The following INPP5D variants were observed in gnomAD, a reference collection of about 807,000 sequenced individuals.
INPP5D encodes the protein inositol polyphosphate-5-phosphatase D.
A neutral mutation model predicts 122.9 loss-of-function variants in INPP5D; 33 were observed. The ratio of observed to expected loss-of-function variants is 0.27; its 90% CI spans 0.20 to 0.36. The LOEUF (loss-of-function observed/expected upper bound fraction) is 0.36. Ranked by LOEUF, INPP5D falls within the 10% of genes least tolerant of loss-of-function variation. INPP5D has a pLI of 1.00. For missense variants in INPP5D, 1,053 were observed against 1,412.7 expected (o/e 0.75, Z 4.08); for synonymous variants, 584 against 576.2 (o/e 1.01, Z -0.19).
At chr2:233,169,679 C>T in intron 14 of INPP5D, 1 of 581,234 alleles carries the variant, frequency 1.7e-6, no homozygotes, top group East Asian at 3.1e-5. Flanking sequence ...CAGAAAGCCT[C>T]CTCTGGGGCC....
chr2:233,109,971 A>G (rs151313457), intron 2 of INPP5D, among the ~76,000 whole-genome samples: 2 of 151,392 alleles, frequency 1.3e-5, no homozygotes, highest in African/African-American at 4.9e-5. Flanking sequence ...TGCAGTCTGC[A>G]TTTCTCAGGC....
chr2:233,177,239 T>G lies in INPP5D; in HGVS notation c.1990-26T>G. On this transcript the variant is annotated intron_variant, in intron 17 of 26. Transcript: ENST00000445964. This position sits in a 1 kb window ranked among gnomAD's most constrained non-coding sequence, Gnocchi z 4.2. ...AAAAAATAATAATAAGAGGCATTTTTTAAAGCCTATGACTTTGATTTGCAG... is the reference window on the plus strand; with the variant it reads ...AAAAAATAATAATAAGAGGCATTTTGTAAAGCCTATGACTTTGATTTGCAG... The G allele has an allele frequency of 6.2e-7, 1 of 1,613,592 alleles. No homozygotes were observed. The highest frequency in any genetic ancestry group is 8.5e-7 in the Non-Finnish European group (1 of 1,179,646).
intron 9 of INPP5D, among the ~76,000 whole-genome samples, chr2:233,154,148 A>G (rs1162368599): frequency 1.8e-5 from 2 of 112,908 alleles, no homozygotes; most frequent in African/African-American, 7.6e-5. Context: ...GAGGGATCAA[A>G]TTCTTTTTGT....
intron 24 of INPP5D, 74 bp from the exon 25 acceptor site, chr2:233,198,021 C>T (rs963054658): frequency 1.9e-5 from 27 of 1,457,272 alleles, no homozygotes; most frequent in Non-Finnish European, 2.3e-5. Context: ...TATCAGAGGA[C>T]ACTTTCCTTG....
intron 2 of INPP5D, 94 bp from the exon 3 acceptor site, chr2:233,122,013 T>A: frequency 6.9e-7 from 1 of 1,443,280 alleles, no homozygotes. Context: ...AGTCACTCCC[T>A]CCGCCTCGCT....
chr2:233,193,988 C>A, intron 23 of INPP5D, 27 bp downstream of exon 23: 1 of 1,552,222 alleles, frequency 6.4e-7, no homozygotes, highest in Non-Finnish European at 8.7e-7. Flanking sequence ...TCCCCAGCGC[C>A]CTCTTCAGCC....
chr2:233,107,301 G>A (rs1692495062), intron 2 of INPP5D, among the ~76,000 whole-genome samples: 1 of 152,176 alleles, frequency 6.6e-6, no homozygotes. Context: ...GTCCTGCAGG[G>A]AGGCAAGAAA....
chr2:233,195,338 C>T (rs1203707362), intron 23 of INPP5D, 61 bp from the exon 24 acceptor site: 45 of 1,611,686 alleles, frequency 2.8e-5, no homozygotes, highest in Non-Finnish European at 3.3e-5. Context: ...CCTTTGCCAT[C>T]CCTCGCCTAA....
At chr2:233,142,244 G>A (rs1693649080) in intron 6 of INPP5D, among the ~76,000 whole-genome samples, 1 of 152,186 alleles carries the variant, frequency 6.6e-6, no homozygotes, top group Non-Finnish European at 1.5e-5. Context: ...GAGACCCTGA[G>A]TCTTGAAGAA....
At chr2:233,190,605 G>T (rs1156575834) in intron 22 of INPP5D, among the ~76,000 whole-genome samples, 1 of 152,202 alleles carries the variant, frequency 6.6e-6, no homozygotes, top group East Asian at 1.9e-4. Flanking sequence ...GCATCGCCTG[G>T]TGCCCAGACC....
chr2:233,081,618 A>G lies in INPP5D; in HGVS notation c.198+2220A>G, dbSNP rs114742834. On this transcript the variant is annotated intron_variant, in intron 2 of 26. Coordinates refer to ENST00000445964, the MANE Select transcript of INPP5D (RefSeq NM_001017915.3). Reference sequence around the variant, plus strand: ...TGCTGATGAAATCCGGGGCCTCATCAGGCTACTGGGCAGGGGGTGGTGGTG... The same window carrying G: ...TGCTGATGAAATCCGGGGCCTCATCGGGCTACTGGGCAGGGGGTGGTGGTG... Among the ~76,000 whole-genome samples the G allele has an allele frequency of 5.0e-3, 756 of 152,238 alleles. 7 individuals are homozygous for G. The highest frequency in any genetic ancestry group is 0.017 in the African/African-American group (724 of 41,538).
intron 2 of INPP5D, among the ~76,000 whole-genome samples, chr2:233,104,150 A>G (rs1692400197): frequency 6.7e-6 from 1 of 148,858 alleles, no homozygotes; most frequent in Non-Finnish European, 1.5e-5. Flanking sequence ...AGCTGGGATT[A>G]CAGGTGCGCA....
intron 2 of INPP5D, among the ~76,000 whole-genome samples, chr2:233,120,265 C>T (rs539556667): frequency 7.2e-5 from 11 of 152,286 alleles, no homozygotes; most frequent in Admixed American, 2.6e-4. Flanking sequence ...GGGTGGATCA[C>T]CTGAGGTCAG....
rs1694813305 is a variant in INPP5D at position 233,182,633 on chromosome 2, A to G, written c.2161+134A>G. 5.8e-6 allele frequency: 8 copies of G among 1,373,592 alleles called. No individual in the cohort carries two copies. In the South Asian group the frequency reaches 8.1e-5, roughly 14 times the overall value. The allele number at this position is 1,373,592 out of a possible 1,614,324, so 85.1% of individuals were successfully genotyped here. Reference sequence around the variant, plus strand: ...CCCAGGCAAGTCCACAATATCAGTCAGTTTCTTCATGTCCCAGCCACAGCA... The same window carrying G: ...CCCAGGCAAGTCCACAATATCAGTCGGTTTCTTCATGTCCCAGCCACAGCA... On this transcript the variant is annotated intron_variant, in intron 19 of 26. Coordinates refer to ENST00000445964, the MANE Select transcript of INPP5D (RefSeq NM_001017915.3).
rs187457991 is a variant in INPP5D, at chr2:233,100,904, G to A, written c.199-21203G>A. Among the ~76,000 whole-genome samples, 12 of 148,348 alleles carry A rather than the reference G, an allele frequency of 8.1e-5. No individual in the cohort carries two copies. The highest frequency in any genetic ancestry group is 2.0e-4 in the East Asian group (1 of 4,880). On this transcript the variant is annotated intron_variant, in intron 2 of 26. Coordinates refer to ENST00000445964, the MANE Select transcript of INPP5D (RefSeq NM_001017915.3). The surrounding 1 kb of genome is among the most constrained non-coding windows in gnomAD (Gnocchi z 5.3). ...ATCTCACCTACCCCTCAAAGAAGGC[G>A]GAAGCTTCCTGTCGTGGTCTGGCCC... is the stretch of plus-strand genomic sequence containing the variant.
At chr2:233,122,026 T>A (rs760682266) in intron 2 of INPP5D, 81 bp from the exon 3 acceptor site, 12 of 1,519,932 alleles carry the variant, frequency 7.9e-6, no homozygotes, top group Admixed American at 5.2e-5. Flanking sequence ...GCCTCGCTGG[T>A]CTCTGCTGCA....
intron 2 of INPP5D, among the ~76,000 whole-genome samples, chr2:233,088,746 C>T (rs78453929): frequency 0.071 from 10,836 of 152,282 alleles, 465 homozygotes; most frequent in Non-Finnish European, 0.095. Context: ...GCAGAGGCCC[C>T]GGCCCATGAC....
chr2:233,125,423 A>G (rs1346049745), intron 3 of INPP5D, among the ~76,000 whole-genome samples: 1 of 152,234 alleles, frequency 6.6e-6, no homozygotes, highest in East Asian at 1.9e-4. Context: ...TCTGAGAGCC[A>G]GACTCATCCT....
At chr2:233,087,197 G>C (rs767359891) in intron 2 of INPP5D, among the ~76,000 whole-genome samples, 11 of 152,118 alleles carry the variant, frequency 7.2e-5, no homozygotes, top group Non-Finnish European at 1.5e-4. Context: ...AAGTCTTTCT[G>C]AGAGGCCTCA....
Sources: gnomAD v4.1 joint callset for allele counts (sites outside exome capture counted in the v4.1 genomes callset) on GRCh38, gnomAD v4.1.1 for gene constraint, Gnocchi (gnomAD v3.1) non-coding constraint, MANE v1.5 for transcripts, NCBI Gene and HGNC (gene_info 2026-07-23, HGNC 2026-07-21) for gene names.